Variants in PLCB1 observed in about 807,000 individuals in gnomAD.
The protein encoded by PLCB1 is phospholipase C beta 1, also known as 1-phosphatidylinositol 4,5-bisphosphate phosphodiesterase beta-1.
PLCB1 carries 46 observed loss-of-function variants against 161.8 expected under a neutral mutation model. That is an observed-to-expected ratio of 0.28 (90% CI 0.22 to 0.36). The LOEUF is 0.36. PLCB1 is among the 10% of genes least tolerant of loss of function. PLCB1 has a pLI of 1.00. For synonymous variants in PLCB1, 517 were observed against 503.7 expected, an observed-to-expected ratio of 1.03 and a Z score of -0.35; for missense variants, 1,016 against 1,472.5, an observed-to-expected ratio of 0.69 and a Z score of 5.07.
At chr20:8,470,888 C>T (rs1287596860) in intron 3 of PLCB1, among the ~76,000 whole-genome samples, 1 of 150,758 alleles carries the variant, frequency 6.6e-6, no homozygotes, top group Non-Finnish European at 1.5e-5. Flanking sequence ...TTGATTTGGT[C>T]TTGTTTTGTT....
chr20:8,595,251 T>C (rs1235812530), intron 3 of PLCB1, among the ~76,000 whole-genome samples: 7 of 108,400 alleles, frequency 6.5e-5, no homozygotes, highest in African/African-American at 7.7e-5. Context: ...CCCTCCCCCC[T>C]CCCCCCACCC....
intron 3 of PLCB1, among the ~76,000 whole-genome samples, chr20:8,540,660 C>A (rs1239827969): frequency 6.6e-6 from 1 of 152,042 alleles, no homozygotes. Context: ...TTCCAAACCA[C>A]TGGAGCACAC....
At chr20:8,631,133 C>A (rs551033663) in intron 4 of PLCB1, among the ~76,000 whole-genome samples, 1 of 152,350 alleles carries the variant, frequency 6.6e-6, no homozygotes, top group Non-Finnish European at 1.5e-5. Context: ...TCACGTATCA[C>A]AGTCACACAG....
intron 2 of PLCB1, among the ~76,000 whole-genome samples, chr20:8,187,807 A>G (rs2051921819): frequency 6.6e-6 from 1 of 152,156 alleles, no homozygotes. Context: ...AAAAGTAGAT[A>G]ACTGAATCTA....
chr20:8,657,310 T>C (rs747511887), intron 8 of PLCB1, 26 bp downstream of exon 8: 5 of 1,368,800 alleles, frequency 3.7e-6, no homozygotes, highest in South Asian at 1.2e-5. Context: ...TTAAGCCATA[T>C]CTTTTTCAGC....
intron 4 of PLCB1, among the ~76,000 whole-genome samples, chr20:8,645,204 A>G (rs542002676): frequency 0.02 from 3,027 of 149,784 alleles, 103 homozygotes; most frequent in African/African-American, 0.07. Flanking sequence ...TAGGAAAACC[A>G]GAGACCTTTG....
chr20:8,425,856 T>A (rs541282281), intron 3 of PLCB1, among the ~76,000 whole-genome samples: 1 of 151,502 alleles, frequency 6.6e-6, no homozygotes, highest in South Asian at 2.1e-4. Flanking sequence ...AGATCTTCAC[T>A]ACATCCAATT....
At chr20:8,568,267 G>C (rs1277040115) in intron 3 of PLCB1, among the ~76,000 whole-genome samples, 1 of 152,128 alleles carries the variant, frequency 6.6e-6, no homozygotes, top group African/African-American at 2.4e-5. Flanking sequence ...TTACCTCTGA[G>C]AATTTTCTAG....
chr20:8,639,403 ACT>A (rs1988870141), intron 4 of PLCB1, among the ~76,000 whole-genome samples: 1 of 152,226 alleles, frequency 6.6e-6, no homozygotes, highest in Non-Finnish European at 1.5e-5. Flanking sequence ...GGTTTCTGGC[ACT>A]GATTCAGGAG....
intron 2 of PLCB1, among the ~76,000 whole-genome samples, chr20:8,166,347 A>G (rs576370145): frequency 3.3e-5 from 5 of 152,136 alleles, no homozygotes; most frequent in Admixed American, 3.3e-4. Context: ...TTATTTTTAT[A>G]TAATTTTACA....
chr20:8,612,164 C>T (rs1353007376), intron 3 of PLCB1, among the ~76,000 whole-genome samples: 6 of 152,040 alleles, frequency 3.9e-5, no homozygotes, highest in African/African-American at 1.4e-4. Context: ...GTGCCACATT[C>T]ATAAACATAA....
chr20:8,558,581 A>G (rs1167203491), intron 3 of PLCB1, among the ~76,000 whole-genome samples: 1 of 151,700 alleles, frequency 6.6e-6, no homozygotes, highest in African/African-American at 2.4e-5. Context: ...CTACACATTC[A>G]GGAAGCTTGA....
intron 31 of PLCB1, among the ~76,000 whole-genome samples, chr20:8,854,086 T>C (rs888245348): frequency 1.3e-5 from 2 of 152,098 alleles, no homozygotes; most frequent in Admixed American, 1.3e-4. Flanking sequence ...AAAATAAACA[T>C]CCATAAACTT....
At chr20:8,326,806 AAC>A (rs1985172922) in intron 2 of PLCB1, among the ~76,000 whole-genome samples, 1 of 152,164 alleles carries the variant, frequency 6.6e-6, no homozygotes, top group Admixed American at 6.5e-5. Flanking sequence ...ACCACACTGA[AAC>A]AGATGCTGAT....
At chr20:8,583,056 A>G (rs974015571) in intron 3 of PLCB1, among the ~76,000 whole-genome samples, 12 of 151,720 alleles carry the variant, frequency 7.9e-5, no homozygotes, top group Non-Finnish European at 1.3e-4. Flanking sequence ...CCTTACATTG[A>G]TGAACCTTGA....
At chr20:8,232,743 T>C (rs960934322) in intron 2 of PLCB1, among the ~76,000 whole-genome samples, 2 of 152,170 alleles carry the variant, frequency 1.3e-5, no homozygotes, top group Admixed American at 6.6e-5. Context: ...TAGCTCTAAT[T>C]GTCCTAATAT....
At chr20:8,285,576 A>G (rs1600287105) in intron 2 of PLCB1, among the ~76,000 whole-genome samples, 1 of 152,018 alleles carries the variant, frequency 6.6e-6, no homozygotes, top group Admixed American at 6.6e-5. Context: ...GGACATGGCC[A>G]TTTTCTGTGT....
At chr20:8,260,568 C>T (rs1338270487) in intron 2 of PLCB1, among the ~76,000 whole-genome samples, 3 of 151,942 alleles carry the variant, frequency 2.0e-5, no homozygotes. Context: ...TGGCCTGTGA[C>T]CAGTGTGGGA....
intron 27 of PLCB1, among the ~76,000 whole-genome samples, chr20:8,784,584 A>G (rs932651410): frequency 1.3e-5 from 2 of 150,268 alleles, no homozygotes; most frequent in Admixed American, 6.7e-5. Context: ...AAAGGCTGAG[A>G]TGAGCAGAGG....
Sources: gnomAD v4.1 joint callset for allele counts (sites outside exome capture counted in the v4.1 genomes callset) on GRCh38, gnomAD v4.1.1 for gene constraint, MANE v1.5 for transcripts, NCBI Gene and HGNC (gene_info 2026-07-23, HGNC 2026-07-21) for gene names.